EBF1: variants seen among roughly 807,000 people sequenced by gnomAD.
EBF1 encodes transcription factor COE1.
In EBF1, 10 loss-of-function variants were observed where a neutral mutation model predicts 68.4. The observed-to-expected ratio is 0.15, with a 90% CI of 0.09 to 0.25. The LOEUF (loss-of-function observed/expected upper bound fraction) is 0.25. EBF1 is among the 10% of genes least tolerant of loss of function. The probability of loss-of-function intolerance (pLI) is 1.00; values close to 1 mark genes in which losing one functional copy is unlikely to be tolerated. For missense variants in EBF1, 509 were observed against 794.4 expected (o/e 0.64, Z 4.32); for synonymous variants, 298 against 299.8 (o/e 0.99, Z 0.06).
At chr5:159,009,262 A>G (rs1161458395) in intron 6 of EBF1, among the ~76,000 whole-genome samples, 1 of 152,194 alleles carries the variant, frequency 6.6e-6, no homozygotes, top group Non-Finnish European at 1.5e-5. Flanking sequence ...CTGTCTGTCC[A>G]ACAAAGAGCG....
intron 6 of EBF1, among the ~76,000 whole-genome samples, chr5:158,902,554 G>T (rs747538496): frequency 1.3e-5 from 2 of 150,136 alleles, no homozygotes; most frequent in African/African-American, 2.4e-5. Flanking sequence ...AGCCTCCCAA[G>T]TATCTAGGAC....
rs1469084194 is a variant in EBF1 at position 158,712,074 on chromosome 5, C to T, written c.1549+80G>A. On this transcript the variant is annotated intron_variant, in intron 14 of 15. Coordinates refer to ENST00000313708, the MANE Select transcript of EBF1 (RefSeq NM_024007.5). Reference sequence around the variant, plus strand: ...ATGGGGGGCCTCAGACCGAGAAGCCCTGCCCACTGGGCCACATGGCATGAT... The same window carrying T: ...ATGGGGGGCCTCAGACCGAGAAGCCTTGCCCACTGGGCCACATGGCATGAT... 2.6e-6 allele frequency: 4 copies of T among 1,541,424 alleles called. No homozygotes were observed. The East Asian group carries it at 9.3e-5, about 36-fold the overall frequency.
intron 10 of EBF1, among the ~76,000 whole-genome samples, chr5:158,775,111 A>G (rs1049925039): frequency 6.6e-6 from 1 of 151,768 alleles, no homozygotes; most frequent in Admixed American, 6.6e-5. Context: ...TATTGCTCTT[A>G]CCCTTAACTA....
intron 10 of EBF1, among the ~76,000 whole-genome samples, chr5:158,761,968 C>A (rs150676853): frequency 1.3e-5 from 2 of 152,192 alleles, no homozygotes; most frequent in East Asian, 3.9e-4. Flanking sequence ...GTAACATGTA[C>A]TTAATAATGC....
intron 9 of EBF1, among the ~76,000 whole-genome samples, chr5:158,788,351 G>A (rs897024800): frequency 7.9e-5 from 12 of 152,110 alleles, no homozygotes; most frequent in Non-Finnish European, 1.6e-4. Context: ...ACAGAAAGGA[G>A]GGAAAAGGAT....
chr5:158,941,251 C>T, intron 6 of EBF1: 1 of 455,946 alleles, frequency 2.2e-6, no homozygotes, highest in Non-Finnish European at 4.4e-6. Flanking sequence ...AGGGGTTAGA[C>T]CCAAACAATG....
chr5:158,854,021 C>T (rs1030409074), intron 6 of EBF1, among the ~76,000 whole-genome samples: 14 of 152,148 alleles, frequency 9.2e-5, no homozygotes, highest in Non-Finnish European at 1.9e-4. Flanking sequence ...CTCCACAGGG[C>T]AATATGGGTA....
chr5:158,844,713 C>T (rs747545731), intron 6 of EBF1, among the ~76,000 whole-genome samples: 14 of 152,182 alleles, frequency 9.2e-5, no homozygotes, highest in Middle Eastern at 3.2e-3. Context: ...TGAATGCCTG[C>T]GCTCTTAAAC....
intron 8 of EBF1, among the ~76,000 whole-genome samples, chr5:158,800,903 A>G (rs992111274): frequency 6.6e-6 from 1 of 152,188 alleles, no homozygotes; most frequent in African/African-American, 2.4e-5. Flanking sequence ...GTTTGAATAC[A>G]AAACCACTTT....
rs1164179389 is a variant in EBF1, at chr5:158,699,213, C to CT, written c.1745-72dup. The CT allele has an allele frequency of 6.0e-6, 8 of 1,340,384 alleles. No homozygotes were observed. The African/African-American group carries it at 9.1e-5, about 15-fold the overall frequency. 83.0% of individuals were successfully genotyped at this position (1,340,384 alleles called of 1,614,324 possible). A position where few individuals can be genotyped will look rare whatever the true frequency, so the allele number is the denominator to read the frequency against. ...TTCTCACTGAGAAAAATAATGAAGA[C>CT]TAAAAAAAAAAAAACACCCACACAC... On this transcript the variant is annotated intron_variant, in intron 15 of 15. Coordinates refer to ENST00000313708, the MANE Select transcript of EBF1 (RefSeq NM_024007.5).
rs180691345 is a variant in EBF1, at chr5:158,767,483, G to T, written c.1036+9930C>A. On this transcript the variant is annotated intron_variant, in intron 10 of 15. Transcript: ENST00000313708. ...AGGAGGCTTACTCAGTGCAGGCTCT[G>T]GTACCCTTCACCAGGGTTCAAGTCC... Among the ~76,000 whole-genome samples, 11 of 152,182 alleles carry T rather than the reference G, an allele frequency of 7.2e-5. No individual in the cohort carries two copies. In the East Asian group the frequency reaches 2.1e-3, roughly 29 times the overall value.
chr5:159,022,944 C>A (rs1171078611), intron 6 of EBF1, among the ~76,000 whole-genome samples: 1 of 152,084 alleles, frequency 6.6e-6, no homozygotes, highest in Non-Finnish European at 1.5e-5. Flanking sequence ...AGTCATCGAG[C>A]CAAATGCTAA....
chr5:159,008,798 A>T (rs944110984), intron 6 of EBF1, among the ~76,000 whole-genome samples: 1 of 152,138 alleles, frequency 6.6e-6, no homozygotes, highest in African/African-American at 2.4e-5. Context: ...TGGCCTCCCA[A>T]AGTGCTGGGA....
At chr5:159,021,179 T>C (rs966664067) in intron 6 of EBF1, among the ~76,000 whole-genome samples, 7 of 152,224 alleles carry the variant, frequency 4.6e-5, no homozygotes, top group African/African-American at 1.7e-4. Context: ...ACCCTGGTAC[T>C]TAATTATTCC....
chr5:159,097,461 T>A (rs1232182371), intron 1 of EBF1: 2 of 331,126 alleles, frequency 6.0e-6, no homozygotes, highest in Non-Finnish European at 1.1e-5. Flanking sequence ...GGAAGAAAAG[T>A]GGCGGTGGAT....
At chr5:158,939,173 C>T (rs536332286) in intron 6 of EBF1, among the ~76,000 whole-genome samples, 26 of 152,310 alleles carry the variant, frequency 1.7e-4, no homozygotes, top group African/African-American at 6.3e-4. Context: ...ACATGTACCT[C>T]AGGGCTTATT....
rs1224798279 is a variant in EBF1, at chr5:159,097,136, G to A, written c.135-6C>T. ...CCCGGGCCAGACCCACCCCGCTGCG[G>A]CCAAAGACGCAGAGTTAGATGGCTA... On this transcript the variant is annotated splice_region_variant and splice_polypyrimidine_tract_variant and intron_variant, in intron 1 of 15. Coordinates refer to ENST00000313708, the MANE Select transcript of EBF1 (RefSeq NM_024007.5). 1 of 1,612,742 alleles carries A rather than the reference G, an allele frequency of 6.2e-7. No homozygotes were observed. Among genetic ancestry groups the A allele is most frequent in the Non-Finnish European group, 8.5e-7 (1 of 1,179,550 alleles).
At chr5:158,859,845 G>A (rs993413237) in intron 6 of EBF1, among the ~76,000 whole-genome samples, 2 of 152,074 alleles carry the variant, frequency 1.3e-5, no homozygotes, top group African/African-American at 4.8e-5. Flanking sequence ...ATATCTCATC[G>A]GTCACTTATT....
chr5:159,031,198 G>C (rs570273914), intron 6 of EBF1, among the ~76,000 whole-genome samples: 75 of 151,650 alleles, frequency 4.9e-4, no homozygotes, highest in Non-Finnish European at 9.4e-4. Flanking sequence ...GAAAAGAAAA[G>C]AGTACAGCCC....
Sources: gnomAD v4.1 joint callset for allele counts (sites outside exome capture counted in the v4.1 genomes callset) on GRCh38, gnomAD v4.1.1 for gene constraint, MANE v1.5 for transcripts, NCBI Gene and HGNC (gene_info 2026-07-23, HGNC 2026-07-21) for gene names.